The following TRPC4 variants were observed in gnomAD, a reference collection of about 807,000 sequenced individuals.
The protein encoded by TRPC4 is transient receptor potential cation channel subfamily C member 4.
In TRPC4, 49 loss-of-function variants were observed where a neutral mutation model predicts 99.4. That is an observed-to-expected ratio of 0.49 (90% CI 0.39 to 0.63). TRPC4 has a LOEUF of 0.63. Among genes scored for constraint, TRPC4 ranks in the 20% least tolerant of loss-of-function variants. The pLI is 0.00. For synonymous variants in TRPC4, 454 were observed against 425.9 expected (o/e 1.07, Z -0.81); for missense variants, 898 against 1,152.9 (o/e 0.78, Z 3.20).
intron 1 of TRPC4, among the ~76,000 whole-genome samples, chr13:37,812,365 TGAG>T (rs1377429399): frequency 6.6e-6 from 1 of 151,620 alleles, no homozygotes; most frequent in Non-Finnish European, 1.5e-5. Context: ...CAAACCATTA[TGAG>T]GAGAAAATTT....
At chr13:37,780,945 C>T (rs1956822775) in intron 2 of TRPC4, among the ~76,000 whole-genome samples, 1 of 152,014 alleles carries the variant, frequency 6.6e-6, no homozygotes, top group Non-Finnish European at 1.5e-5. Context: ...TCCAGAAACA[C>T]ATGGCCTGGG....
At chr13:37,812,242 TAACTC>T (rs554387497) in intron 1 of TRPC4, among the ~76,000 whole-genome samples, 2 of 127,790 alleles carry the variant, frequency 1.6e-5, no homozygotes, top group Admixed American at 8.0e-5. Context: ...CGATAGAACA[TAACTC>T]AAGATTATTT....
intron 2 of TRPC4, among the ~76,000 whole-genome samples, chr13:37,767,178 T>C (rs1186404637): frequency 2.6e-5 from 4 of 151,310 alleles, no homozygotes; most frequent in East Asian, 1.9e-4. Flanking sequence ...CCTTTTGTTT[T>C]TGTGGTATGT....
intron 1 of TRPC4, among the ~76,000 whole-genome samples, chr13:37,858,215 A>T (rs1414943236): frequency 6.6e-6 from 1 of 151,746 alleles, no homozygotes; most frequent in African/African-American, 2.4e-5. Context: ...CTACAATGAG[A>T]TATCTCCTCA....
intron 4 of TRPC4, 146 bp downstream of exon 4, chr13:37,691,853 C>T: frequency 2.6e-6 from 2 of 757,924 alleles, no homozygotes; most frequent in Non-Finnish European, 4.0e-6. Flanking sequence ...AGTTGTTTGG[C>T]TTTGGGGGTG....
intron 3 of TRPC4, among the ~76,000 whole-genome samples, chr13:37,699,348 A>G (rs925509633): frequency 2.0e-5 from 3 of 152,170 alleles, no homozygotes; most frequent in African/African-American, 7.2e-5. Context: ...TTATAGACAT[A>G]TATACACAAG....
At chr13:37,724,201 T>C (rs143839226) in intron 3 of TRPC4, among the ~76,000 whole-genome samples, 1,544 of 152,268 alleles carry the variant, frequency 0.01, 23 homozygotes, top group African/African-American at 0.035. Flanking sequence ...GCCATACACA[T>C]AACATAATCC....
chr13:37,847,146 T>C (rs969263657), intron 1 of TRPC4, among the ~76,000 whole-genome samples: 1 of 151,820 alleles, frequency 6.6e-6, no homozygotes, highest in Non-Finnish European at 1.5e-5. Context: ...AGACAGAAAA[T>C]AAATAAGGGA....
intron 1 of TRPC4, among the ~76,000 whole-genome samples, chr13:37,807,921 A>G (rs1325222995): frequency 6.6e-6 from 1 of 152,076 alleles, no homozygotes; most frequent in Non-Finnish European, 1.5e-5. Flanking sequence ...CTTATTTTCA[A>G]AAGCAGGTTC....
chr13:37,739,473 T>C (rs911785336), intron 3 of TRPC4, among the ~76,000 whole-genome samples: 4 of 151,836 alleles, frequency 2.6e-5, no homozygotes, highest in African/African-American at 9.7e-5. Flanking sequence ...AGTTATTTGA[T>C]GTCCATGAGA....
intron 3 of TRPC4, among the ~76,000 whole-genome samples, chr13:37,745,477 C>CGT (rs1955733827): frequency 2.3e-4 from 2 of 8,578 alleles, no homozygotes; most frequent in African/African-American, 5.4e-4. Context: ...TATATATACA[C>CGT]ACACACACAC....
rs568174827 is a variant in TRPC4, at chr13:37,704,251, C to T, written c.898-11916G>A. On this transcript the variant is annotated intron_variant, in intron 3 of 10. Coordinates refer to ENST00000379705, the MANE Select transcript of TRPC4 (RefSeq NM_016179.4). ...AGAATTATAAAAGAGCAGAAGGTAA[C>T]CTGTGATGGTGATGGATGTGTTCTC... is the stretch of plus-strand genomic sequence containing the variant. Among the ~76,000 whole-genome samples, 32 of 152,260 alleles carry T rather than the reference C, an allele frequency of 2.1e-4. 1 individual carries two copies. The highest frequency in any genetic ancestry group is 1.7e-3 in the Admixed American group (26 of 15,276).
chr13:37,853,612 G>A, intron 1 of TRPC4, among the ~76,000 whole-genome samples: 1 of 152,104 alleles, frequency 6.6e-6, no homozygotes, highest in Non-Finnish European at 1.5e-5. Flanking sequence ...GAGAAACAGA[G>A]ACATGTGACC....
intron 1 of TRPC4, among the ~76,000 whole-genome samples, chr13:37,841,310 A>C (rs931572989): frequency 6.6e-6 from 1 of 151,608 alleles, no homozygotes; most frequent in African/African-American, 2.4e-5. Flanking sequence ...TGAAGCAAAA[A>C]CCTGATTTTC....
At chr13:37,785,209 C>T (rs1956938137) in intron 1 of TRPC4, among the ~76,000 whole-genome samples, 2 of 151,948 alleles carry the variant, frequency 1.3e-5, no homozygotes, top group South Asian at 4.1e-4. Context: ...TTATCTGATC[C>T]TGATTGCCCC....
rs1566216069 is a variant in TRPC4 at position 37,842,372 on chromosome 13, G to GAAAAAAAAAAAAAAAAA, written c.-28+27222_-28+27223insTTTTTTTTTTTTTTTTT. Among the ~76,000 whole-genome samples the GAAAAAAAAAAAAAAAAA allele has an allele frequency of 5.1e-4, 37 of 72,114 alleles. 1 individual carries two copies. Among genetic ancestry groups the GAAAAAAAAAAAAAAAAA allele is most frequent in the African/African-American group, 8.5e-4 (16 of 18,906 alleles). 47.3% of individuals were successfully genotyped at this position (72,114 alleles called of 152,430 possible). On this transcript the variant is annotated intron_variant, in intron 1 of 10. Coordinates refer to ENST00000379705, the MANE Select transcript of TRPC4 (RefSeq NM_016179.4). ...AAAAAAAAAAAAAAAAAAAAAAAAG[G>GAAAAAAAAAAAAAAAAA]AAAAGGAAAAGTATAAATCGGGGGC...
Position 37,790,947 on chromosome 13 carries a change from TA to T in TRPC4, c.-27-7588del, listed in dbSNP as rs541945304. ...GCAATAATATAAAGAGGTATTGCTT[TA>T]AAAATAGGGAAGAAAAAACAGAAGC... On this transcript the variant is annotated intron_variant, in intron 1 of 10. Transcript: ENST00000379705. Among the ~76,000 whole-genome samples, 649 of 152,142 alleles carry T rather than the reference TA, an allele frequency of 4.3e-3. 4 individuals carry two copies. The highest frequency in any genetic ancestry group is 0.015 in the African/African-American group (622 of 41,534).
At chr13:37,801,455 C>T (rs1050363638) in intron 1 of TRPC4, among the ~76,000 whole-genome samples, 2 of 152,024 alleles carry the variant, frequency 1.3e-5, no homozygotes, top group East Asian at 3.9e-4. Context: ...TGAGGGCAGT[C>T]GCTTGCATAT....
At chr13:37,861,128 C>T (rs536848745) in intron 1 of TRPC4, among the ~76,000 whole-genome samples, 1 of 151,416 alleles carries the variant, frequency 6.6e-6, no homozygotes, top group African/African-American at 2.4e-5. Context: ...TTTTAAAAAA[C>T]TTCATTTAGA....
Sources: allele counts gnomAD v4.1 joint callset (sites outside exome capture counted in the v4.1 genomes callset), GRCh38; gene constraint gnomAD v4.1.1; transcripts MANE v1.5; gene names NCBI Gene and HGNC (gene_info 2026-07-23, HGNC 2026-07-21).